The following SIPA1L1 variants were observed in gnomAD, a reference collection of about 807,000 sequenced individuals.
SIPA1L1 encodes signal induced proliferation associated 1 like 1.
In SIPA1L1, 26 loss-of-function variants were observed where a neutral mutation model predicts 162.7. The ratio of observed to expected loss-of-function variants is 0.16; its 90% confidence interval spans 0.12 to 0.22. The LOEUF (loss-of-function observed/expected upper bound fraction) is 0.22. Among genes scored for constraint, SIPA1L1 ranks in the 10% least tolerant of loss-of-function variants. SIPA1L1 has a pLI of 1.00. For missense variants in SIPA1L1, 1,874 were observed against 2,241.0 expected, an observed-to-expected ratio of 0.84 and a Z score of 3.31; for synonymous variants, 829 against 837.4, an observed-to-expected ratio of 0.99 and a Z score of 0.17.
intron 2 of SIPA1L1, among the ~76,000 whole-genome samples, chr14:71,424,205 A>G (rs888280104): frequency 1.3e-5 from 2 of 152,092 alleles, no homozygotes; most frequent in African/African-American, 4.8e-5. Context: ...CACATGTAAG[A>G]TTATATCACC....
chr14:71,708,716 C>T (rs1383809730), intron 16 of SIPA1L1, among the ~76,000 whole-genome samples: 1 of 152,144 alleles, frequency 6.6e-6, no homozygotes, highest in Non-Finnish European at 1.5e-5. Context: ...TGCCTTGGTA[C>T]CTCTGTATAA....
At chr14:71,433,088 C>T (rs994327000) in intron 2 of SIPA1L1, among the ~76,000 whole-genome samples, 5 of 152,236 alleles carry the variant, frequency 3.3e-5, no homozygotes, top group Middle Eastern at 3.4e-3. Flanking sequence ...TGGATATTTA[C>T]AGAGATCAGG....
chr14:71,342,202 C>T (rs1341357334), intron 2 of SIPA1L1, among the ~76,000 whole-genome samples: 1 of 152,028 alleles, frequency 6.6e-6, no homozygotes, highest in African/African-American at 2.4e-5. Context: ...TGGGGTTTTG[C>T]CTTGTTGCCC....
chr14:71,396,738 C>T (rs756824524), intron 2 of SIPA1L1, among the ~76,000 whole-genome samples: 1 of 151,992 alleles, frequency 6.6e-6, no homozygotes, highest in Non-Finnish European at 1.5e-5. Context: ...AGTAGTTTAT[C>T]ATATGTTATA....
intron 4 of SIPA1L1, among the ~76,000 whole-genome samples, chr14:71,587,364 T>C (rs1596290749): frequency 6.6e-6 from 1 of 152,126 alleles, no homozygotes; most frequent in Admixed American, 6.6e-5. Flanking sequence ...ATAGTTTTTT[T>C]TTTTAGAATA....
intron 2 of SIPA1L1, among the ~76,000 whole-genome samples, chr14:71,466,999 G>A (rs17104443): frequency 0.017 from 2,548 of 152,184 alleles, 73 homozygotes; most frequent in African/African-American, 0.053. Context: ...GGGATATAAC[G>A]CAAACTATTT....
chr14:71,419,046 G>T (rs117005796), intron 2 of SIPA1L1, among the ~76,000 whole-genome samples: 13 of 152,250 alleles, frequency 8.5e-5, no homozygotes, highest in African/African-American at 2.6e-4. Context: ...CAGCCCTTCC[G>T]CCTGATATCA....
At chr14:71,637,227 C>T (rs1355922825) in intron 7 of SIPA1L1, among the ~76,000 whole-genome samples, 2 of 151,294 alleles carry the variant, frequency 1.3e-5, no homozygotes, top group African/African-American at 4.9e-5. Context: ...ACAGACAATA[C>T]AAATCTTGTC....
intron 4 of SIPA1L1, among the ~76,000 whole-genome samples, chr14:71,545,253 G>T (rs904795829): frequency 6.6e-6 from 1 of 151,938 alleles, no homozygotes; most frequent in Non-Finnish European, 1.5e-5. Flanking sequence ...ATAAATAAAA[G>T]CCAATTAGAT....
chr14:71,437,855 A>G (rs1198839174), intron 2 of SIPA1L1, among the ~76,000 whole-genome samples: 1 of 152,212 alleles, frequency 6.6e-6, no homozygotes, highest in African/African-American at 2.4e-5. Context: ...GAGCTTGTCC[A>G]TACCACTGTG....
intron 12 of SIPA1L1, among the ~76,000 whole-genome samples, chr14:71,674,611 C>CT (rs2044910885): frequency 6.8e-6 from 1 of 147,092 alleles, no homozygotes; most frequent in African/African-American, 2.6e-5. Context: ...GTCGCCCAGG[C>CT]TGGAGTGCAG....
At chr14:71,598,086 C>T (rs897861279) in intron 5 of SIPA1L1, 13 of 406,382 alleles carry the variant, frequency 3.2e-5, no homozygotes, top group Non-Finnish European at 4.0e-5. Context: ...TGTTATACTC[C>T]AGACACTGAA....
intron 5 of SIPA1L1, among the ~76,000 whole-genome samples, chr14:71,590,468 T>G (rs1049340146): frequency 3.3e-5 from 5 of 152,186 alleles, no homozygotes; most frequent in African/African-American, 1.2e-4. Flanking sequence ...TTTAAAATTA[T>G]GAGTGAAGTT....
rs567690186 is a variant in SIPA1L1, at chr14:71,474,532, G to A, written c.-464-38211G>A. Among the ~76,000 whole-genome samples, 5 of 152,300 alleles carry A rather than the reference G, an allele frequency of 3.3e-5. No homozygotes were observed. The South Asian group carries it at 8.3e-4, about 25-fold the overall frequency. On this transcript the variant is annotated intron_variant, in intron 2 of 23. Coordinates refer to ENST00000381232, the MANE Select transcript of SIPA1L1 (RefSeq NM_001386936.1). ...TGATAAAGAAGACAAAGCCTATAAGGAGATCACAATATAAAAAGGTCTCAA... is the reference window on the plus strand; with the variant it reads ...TGATAAAGAAGACAAAGCCTATAAGAAGATCACAATATAAAAAGGTCTCAA...
At chr14:71,525,092 G>T (rs886582790) in intron 3 of SIPA1L1, among the ~76,000 whole-genome samples, 9 of 151,968 alleles carry the variant, frequency 5.9e-5, no homozygotes, top group Non-Finnish European at 1.3e-4. Context: ...TCTTACCTCA[G>T]CCTCCTGAGT....
At chr14:71,728,849 A>G (rs2084480778) in intron 19 of SIPA1L1, among the ~76,000 whole-genome samples, 1 of 152,226 alleles carries the variant, frequency 6.6e-6, no homozygotes. Context: ...GTTGCCTTTC[A>G]GGTTGCTATT....
chr14:71,340,751 C>T (rs929580794), intron 2 of SIPA1L1, among the ~76,000 whole-genome samples: 21 of 152,244 alleles, frequency 1.4e-4, no homozygotes, highest in Non-Finnish European at 1.8e-4. Flanking sequence ...TCCTGGCCAA[C>T]GTGGCGAAAC....
At chr14:71,344,290 A>G in intron 2 of SIPA1L1, among the ~76,000 whole-genome samples, 1 of 152,248 alleles carries the variant, frequency 6.6e-6, no homozygotes, top group African/African-American at 2.4e-5. Context: ...ATCTCAGACA[A>G]TTCCTCAACC....
rs577686099 is a variant in SIPA1L1 at position 71,444,507 on chromosome 14, C to T, written c.-464-68236C>T. Among the ~76,000 whole-genome samples, 8 of 152,262 alleles carry T rather than the reference C, an allele frequency of 5.3e-5. No homozygotes were observed. The East Asian group carries it at 5.8e-4, about 11-fold the overall frequency. ...CTCAGAATAGGGAATGAATATCCAC[C>T]GAATTTTTCAATGCCTGAGACCATT... On this transcript the variant is annotated intron_variant, in intron 2 of 23. Transcript: ENST00000381232.
Sources: allele counts gnomAD v4.1 joint callset (sites outside exome capture counted in the v4.1 genomes callset), GRCh38; gene constraint gnomAD v4.1.1; transcripts MANE v1.5; gene names NCBI Gene and HGNC (gene_info 2026-07-23, HGNC 2026-07-21).